Variants in UCHL3 observed in about 807,000 individuals in gnomAD.
UCHL3 encodes ubiquitin C-terminal hydrolase L3, also known as ubiquitin carboxyl-terminal hydrolase isozyme L3.
UCHL3 carries 22 observed loss-of-function variants against 35.8 expected under a neutral mutation model. That is an observed-to-expected ratio of 0.61 (90% confidence interval 0.44 to 0.88). The LOEUF is 0.88. Among genes scored for constraint, UCHL3 ranks in the 40% least tolerant of loss-of-function variants. The probability of loss-of-function intolerance (pLI) is 0.00; values close to 1 mark genes in which losing one functional copy is unlikely to be tolerated. For missense variants in UCHL3, 229 were observed against 276.9 expected (o/e 0.83, Z 1.23); for synonymous variants, 90 against 92.8 (o/e 0.97, Z 0.17).
chr13:75,592,645 A>G (rs1178098535), intron 6 of UCHL3, among the ~76,000 whole-genome samples: 1 of 151,124 alleles, frequency 6.6e-6, no homozygotes, highest in Non-Finnish European at 1.5e-5. Flanking sequence ...TCTGAGACTA[A>G]TTGAAGCTGA....
intron 6 of UCHL3, among the ~76,000 whole-genome samples, chr13:75,571,723 A>G (rs1384757651): frequency 6.6e-6 from 1 of 152,144 alleles, no homozygotes; most frequent in Non-Finnish European, 1.5e-5. Flanking sequence ...CTCAAGATGG[A>G]GTGCAGATAG....
At chr13:75,605,662 A>G in intron 8 of UCHL3, 67 bp from the exon 9 acceptor site, 1 of 1,451,656 alleles carries the variant, frequency 6.9e-7, no homozygotes, top group Non-Finnish European at 9.5e-7. Context: ...AAAAATATGA[A>G]ATGTTTATCA....
At chr13:75,581,645 A>G (rs1212451677) in intron 6 of UCHL3, among the ~76,000 whole-genome samples, 1 of 150,470 alleles carries the variant, frequency 6.6e-6, no homozygotes, top group Non-Finnish European at 1.5e-5. Flanking sequence ...GGTGTGAGCC[A>G]CTAACAAAAC....
intron 7 of UCHL3, among the ~76,000 whole-genome samples, chr13:75,598,603 G>A (rs758516693): frequency 4.6e-5 from 7 of 152,164 alleles, no homozygotes; most frequent in Non-Finnish European, 8.8e-5. Context: ...CTCCAATTTA[G>A]GCCATCTGAT....
At chr13:75,563,145 A>G (rs2031572764) in intron 3 of UCHL3, among the ~76,000 whole-genome samples, 5 of 152,008 alleles carry the variant, frequency 3.3e-5, no homozygotes. Context: ...GTATGTATGT[A>G]TGTATGTATG....
chr13:75,564,318 T>C (rs4885315), intron 3 of UCHL3, among the ~76,000 whole-genome samples: 16,819 of 151,908 alleles, frequency 0.11, 1,176 homozygotes, highest in Non-Finnish European at 0.16. Flanking sequence ...GCCCGGCTTA[T>C]TTTTTGTATT....
At chr13:75,586,783 C>G (rs1054572249) in intron 6 of UCHL3, among the ~76,000 whole-genome samples, 1 of 151,558 alleles carries the variant, frequency 6.6e-6, no homozygotes, top group African/African-American at 2.4e-5. Context: ...ATTCATGGAT[C>G]AAAGAGGAAT....
chr13:75,551,992 TG>T (rs2138444045), intron 2 of UCHL3, among the ~76,000 whole-genome samples: 1 of 151,914 alleles, frequency 6.6e-6, no homozygotes, highest in South Asian at 2.1e-4. Flanking sequence ...AAGAACATAG[TG>T]CTTTGATAGA....
chr13:75,592,460 A>ATATATGTATATATG (rs2032534461), intron 6 of UCHL3, among the ~76,000 whole-genome samples: 1 of 110,326 alleles, frequency 9.1e-6, no homozygotes, highest in Non-Finnish European at 1.9e-5. Context: ...ATATATATAT[A>ATATATGTATATATG]TATATATGAA....
rs1164764237 is a variant in UCHL3 at position 75,594,982 on chromosome 13, A to G, written c.542A>G (p.Tyr181Cys). The change falls in exon 7 of 9, where the codon TAT becomes TGT. Residue 181 changes from tyrosine to cysteine, a missense_variant. By Grantham distance (194) the Tyr-to-Cys change is radical (BLOSUM62 -2). Coordinates refer to ENST00000377595, the MANE Select transcript of UCHL3 (RefSeq NM_006002.5). ...IALVHVDGHL[Y>C]ELDGRKPFPI... ...TTAGTTCATGTAGATGGGCATCTCT[A>G]TGAATTAGGTAAGAACTATTTTAAT... 1 of 1,603,850 alleles carries G rather than the reference A, an allele frequency of 6.2e-7. No homozygotes were observed. Among genetic ancestry groups the G allele is most frequent in the Admixed American group, 1.7e-5 (1 of 57,694 alleles).
In UCHL3 at chr13:75,569,449, T is replaced by G; in HGVS notation, c.427-11T>G. On this transcript the variant is annotated splice_polypyrimidine_tract_variant and intron_variant, in intron 5 of 8. Transcript: ENST00000377595. The stretch of plus-strand genomic sequence containing the variant: ...CATTTTTTCCAATGAATACCTTTAT[T>G]CTTATTACAGGCCATCCGAGTTACT... The G allele has an allele frequency of 6.2e-7, 1 of 1,603,796 alleles. No individual in the cohort carries two copies. Among genetic ancestry groups the G allele is most frequent in the African/African-American group, 1.3e-5 (1 of 74,552 alleles).
intron 7 of UCHL3, among the ~76,000 whole-genome samples, chr13:75,599,329 A>G (rs2032721384): frequency 6.6e-6 from 1 of 152,122 alleles, no homozygotes; most frequent in Non-Finnish European, 1.5e-5. Flanking sequence ...ATTTGAAAAT[A>G]TGGCATTCTG....
intron 6 of UCHL3, among the ~76,000 whole-genome samples, chr13:75,572,884 A>T (rs1190823269): frequency 2.6e-5 from 4 of 152,164 alleles, no homozygotes; most frequent in Non-Finnish European, 5.9e-5. Flanking sequence ...AGAGAACAAA[A>T]ATCTGTATGT....
At chr13:75,597,994 G>C (rs2138581762) in intron 7 of UCHL3, among the ~76,000 whole-genome samples, 1 of 152,260 alleles carries the variant, frequency 6.6e-6, no homozygotes, top group African/African-American at 2.4e-5. Context: ...TTTTAAAATA[G>C]ATAAAATGAC....
chr13:75,595,632 G>A lies in UCHL3; in HGVS notation c.550+642G>A, dbSNP rs550592782. Reference sequence around the variant, plus strand: ...AAAAAAAAAAAAAAAAAAAAAGAGCGTAATAGTTGTAATGATTGGGCTGAG... The same window carrying A: ...AAAAAAAAAAAAAAAAAAAAAGAGCATAATAGTTGTAATGATTGGGCTGAG... On this transcript the variant is annotated intron_variant, in intron 7 of 8. Coordinates refer to ENST00000377595, the MANE Select transcript of UCHL3 (RefSeq NM_006002.5). Among the ~76,000 whole-genome samples the A allele has an allele frequency of 9.1e-3, 1,117 of 122,344 alleles. 23 individuals are homozygous for A. The highest frequency in any genetic ancestry group is 0.033 in the African/African-American group (1,033 of 31,108). 80.3% of individuals were successfully genotyped at this position (122,344 alleles called of 152,430 possible). A position where few individuals can be genotyped will look rare whatever the true frequency, so the allele number is the denominator to read the frequency against.
In UCHL3 at chr13:75,590,385, C is replaced by T. The variant is rs146883522; in HGVS notation, c.475-4530C>T. Among the ~76,000 whole-genome samples the T allele has an allele frequency of 1.6e-3, 240 of 152,242 alleles. 1 individual carries two copies. The highest frequency in any genetic ancestry group is 5.5e-3 in the African/African-American group (229 of 41,554). ...ACCTGCCTTTTGATGAGCACTGATCCACATTCATGATAATGTTTAAGTCTG... is the reference window on the plus strand; with the variant it reads ...ACCTGCCTTTTGATGAGCACTGATCTACATTCATGATAATGTTTAAGTCTG... On this transcript the variant is annotated intron_variant, in intron 6 of 8. Coordinates refer to ENST00000377595, the MANE Select transcript of UCHL3 (RefSeq NM_006002.5).
chr13:75,552,487 G>A (rs2138445397), intron 2 of UCHL3, among the ~76,000 whole-genome samples: 1 of 152,276 alleles, frequency 6.6e-6, no homozygotes, highest in African/African-American at 2.4e-5. Flanking sequence ...TATAAGAATG[G>A]CCATCACATG....
chr13:75,589,519 G>T (rs1010797975), intron 6 of UCHL3, among the ~76,000 whole-genome samples: 1 of 151,888 alleles, frequency 6.6e-6, no homozygotes, highest in Non-Finnish European at 1.5e-5. Flanking sequence ...TCCTTTTAAG[G>T]AATTCTTTTT....
intron 7 of UCHL3, among the ~76,000 whole-genome samples, chr13:75,595,635 A>C (rs2081137743): frequency 7.0e-6 from 1 of 142,348 alleles, no homozygotes; most frequent in African/African-American, 2.5e-5. Flanking sequence ...AAAGAGCGTA[A>C]TAGTTGTAAT....
Sources: gnomAD v4.1 joint callset for allele counts (sites outside exome capture counted in the v4.1 genomes callset) on GRCh38, gnomAD v4.1.1 for gene constraint, MANE v1.5 for transcripts, NCBI Gene and HGNC (gene_info 2026-07-23, HGNC 2026-07-21) for gene names.